LIPG: variants seen among roughly 807,000 people sequenced by gnomAD.
LIPG encodes lipase G, endothelial type, also known as endothelial lipase.
In LIPG, 34 loss-of-function variants were observed where a neutral mutation model predicts 51.8. The observed-to-expected ratio is 0.66, with a 90% CI of 0.50 to 0.87. LIPG has a LOEUF of 0.87. Among genes scored for constraint, LIPG ranks in the 40% least tolerant of loss-of-function variants. The probability of loss-of-function intolerance (pLI) is 0.00; values close to 1 mark genes in which losing one functional copy is unlikely to be tolerated. For synonymous variants in LIPG, 246 were observed against 246.1 expected (o/e 1.00, Z 0.00); for missense variants, 580 against 652.7 (o/e 0.89, Z 1.21).
In LIPG at chr18:49,569,415, A is replaced by T. The variant is rs764821032; in HGVS notation, c.460-22A>T. 8 of 1,603,788 alleles carry T rather than the reference A, an allele frequency of 5.0e-6. No homozygotes were observed. The African/African-American group carries it at 1.1e-4, about 21-fold the overall frequency. On this transcript the variant is annotated intron_variant, in intron 3 of 9. Transcript: ENST00000261292. ...CTCTGGACCCTGCTCTTCTGCTCACATACTTTGGTGACTTTCTATAGGAGA... is the reference window on the plus strand; with the variant it reads ...CTCTGGACCCTGCTCTTCTGCTCACTTACTTTGGTGACTTTCTATAGGAGA...
chr18:49,585,595 T>C (rs1401852010), intron 8 of LIPG, among the ~76,000 whole-genome samples: 2 of 152,242 alleles, frequency 1.3e-5, no homozygotes, highest in Non-Finnish European at 2.9e-5. Flanking sequence ...TGTTGCTTTT[T>C]TGTAGTTACA....
In LIPG at chr18:49,596,867, T is replaced by C. The variant is rs12606544; in HGVS notation, c.*6345T>C. 0.25 allele frequency: 38,190 copies of C among 151,786 alleles called. 4,992 individuals are homozygous for C. Among genetic ancestry groups the C allele is most frequent in the South Asian group, 0.31 (1,474 of 4,794 alleles). The allele number at this position is 151,786 out of a possible 1,614,324, so 9.4% of individuals were successfully genotyped here. On this transcript the variant is annotated 3_prime_UTR_variant, in exon 10 of 10. Transcript: ENST00000261292. ...CTCCATTTTCCAAATGCATTTGACTTCCTACTCTCTTAGCCCCAGCTCTCT... is the reference window on the plus strand; with the variant it reads ...CTCCATTTTCCAAATGCATTTGACTCCCTACTCTCTTAGCCCCAGCTCTCT...
chr18:49,589,319 G>T (rs534031406), intron 9 of LIPG: 3 of 152,138 alleles, frequency 2.0e-5, no homozygotes, highest in Non-Finnish European at 4.4e-5. Context: ...GCGTAGGCTC[G>T]TATGATTTTC....
At position 49,596,856 on chromosome 18, in the gene LIPG, T is replaced by C. The variant is rs897678001; in HGVS notation, c.*6334T>C. 6.6e-6 allele frequency: 1 copy of C among 152,038 alleles called. No homozygotes were observed. Among genetic ancestry groups the C allele is most frequent in the Non-Finnish European group, 1.5e-5 (1 of 68,028 alleles). The allele number at this position is 152,038 out of a possible 1,614,324, so 9.4% of individuals were successfully genotyped here. A position where few individuals can be genotyped will look rare whatever the true frequency, so the allele number is the denominator to read the frequency against. On this transcript the variant is annotated 3_prime_UTR_variant, in exon 10 of 10. Coordinates refer to ENST00000261292, the MANE Select transcript of LIPG (RefSeq NM_006033.4). ...TCCCTCAAGTGCTCCATTTTCCAAATGCATTTGACTTCCTACTCTCTTAGC... is the reference window on the plus strand; with the variant it reads ...TCCCTCAAGTGCTCCATTTTCCAAACGCATTTGACTTCCTACTCTCTTAGC...
upstream of LIPG, chr18:49,561,859 G>A: frequency 2.4e-6 from 3 of 1,264,232 alleles, no homozygotes; most frequent in Non-Finnish European, 3.0e-6. Context: ...GGGCCCGGGA[G>A]GAAGCGGGGC....
rs778563577 is a variant in LIPG, at chr18:49,567,636, G to A, written c.459+15G>A. 1.9e-6 allele frequency: 3 copies of A among 1,613,188 alleles called. No individual in the cohort carries two copies. Among genetic ancestry groups the A allele is most frequent in the Non-Finnish European group, 2.5e-6 (3 of 1,179,746 alleles). On this transcript the variant is annotated intron_variant, in intron 3 of 9. Coordinates refer to ENST00000261292, the MANE Select transcript of LIPG (RefSeq NM_006033.4). ...ACTGGCTGCAGGTACTGGGGGATGA[G>A]AGGGAGTCTCCTGTCACCAGCAGGA...
rs778078674 is a variant in LIPG at position 49,565,481 on chromosome 18, A to G, written c.262A>G (p.Ile88Val). 6.2e-7 allele frequency: 1 copy of G among 1,614,216 alleles called. No individual in the cohort carries two copies. Among genetic ancestry groups the G allele is most frequent in the Non-Finnish European group, 8.5e-7 (1 of 1,180,038 alleles). ...CAACATGACAGCTAAAACCTTTTTC[A>G]TCATTCACGGATGGACGGTGAGCCC... ...SFNMTAKTFF[I>V]IHGWTMSGIF... is the part of the protein sequence containing the mutation. Residue 88 changes from isoleucine to valine, a missense_variant, in exon 2 of 10, where the codon ATC becomes GTC. Ile to Val is a conservative substitution (Grantham distance 29). Transcript: ENST00000261292.
intron 5 of LIPG, among the ~76,000 whole-genome samples, chr18:49,581,176 C>T (rs775930012): frequency 6.6e-6 from 1 of 152,098 alleles, no homozygotes; most frequent in Non-Finnish European, 1.5e-5. Context: ...GAGAGGATCA[C>T]CTGAATCTCG....
chr18:49,581,280 G>A (rs1472833150), intron 5 of LIPG, 135 bp from the exon 6 acceptor site: 1 of 1,344,796 alleles, frequency 7.4e-7, no homozygotes, highest in African/African-American at 1.4e-5. Context: ...AAATAAACAA[G>A]CAAAAGAATT....
rs914555867 is a variant in LIPG at position 49,590,509 on chromosome 18, T to C, written c.1490T>C (p.Val497Ala). ...WRMKNETSPT[V>A]ELP ...CACACGGTTTCTTTCAGTCCCACTG[T>C]GGAGCTTCCCTGAGGGTGCCCGGGC... The change falls in exon 10 of 10, where the codon GTG becomes GCG. Residue 497 changes from valine to alanine, a missense_variant. Coordinates refer to ENST00000261292, the MANE Select transcript of LIPG (RefSeq NM_006033.4). 1 of 1,602,800 alleles carries C rather than the reference T, an allele frequency of 6.2e-7. No individual in the cohort carries two copies. The highest frequency in any genetic ancestry group is 8.5e-7 in the Non-Finnish European group (1 of 1,173,626).
In LIPG at chr18:49,566,671, G is replaced by A. The variant is rs193243178; in HGVS notation, c.280-771G>A. 5.3e-4 allele frequency among the ~76,000 whole-genome samples: 81 copies of A among 152,284 alleles called. No homozygotes were observed. The East Asian group carries it at 0.015, about 28-fold the overall frequency. The stretch of plus-strand genomic sequence containing the variant: ...GGGTCAAGAGGGATGGCAGAGATGG[G>A]TTGTGGGAAGGGGTCATTTGTTAAC... On this transcript the variant is annotated intron_variant, in intron 2 of 9. Transcript: ENST00000261292.
intron 5 of LIPG, among the ~76,000 whole-genome samples, chr18:49,578,784 G>A (rs1475268011): frequency 6.6e-6 from 1 of 151,328 alleles, no homozygotes; most frequent in Non-Finnish European, 1.5e-5. Context: ...ACCTCGGGAG[G>A]CCAAGGCTGG....
At chr18:49,568,262 C>T (rs2084628057) in intron 3 of LIPG, among the ~76,000 whole-genome samples, 2 of 152,156 alleles carry the variant, frequency 1.3e-5, no homozygotes, top group Non-Finnish European at 1.5e-5. Flanking sequence ...GATCTCCTGA[C>T]CTCATGATCT....
chr18:49,565,375 C>T lies in LIPG; in HGVS notation c.156C>T (p.Asn52=), dbSNP rs1350503651. Residue 52 remains asparagine, a synonymous_variant, in exon 2 of 10, where the codon AAC becomes AAT. Transcript: ENST00000261292. ...AGGTCAAACCATCTGTGAGGTTTAA[C>T]CTCCGCACCTCCAAGGACCCAGAGC... The part of the protein sequence containing the change: ...QTEVKPSVRF[N]LRTSKDPEHE... 6.2e-7 allele frequency: 1 copy of T among 1,614,254 alleles called. No individual in the cohort carries two copies. Among genetic ancestry groups the T allele is most frequent in the East Asian group, 2.2e-5 (1 of 44,876 alleles).
intron 5 of LIPG, among the ~76,000 whole-genome samples, chr18:49,577,606 A>G (rs868533606): frequency 0.017 from 2,274 of 133,444 alleles, 37 homozygotes; most frequent in African/African-American, 0.058. Context: ...GGGCAGAGGC[A>G]CCCCTCACCT....
intron 5 of LIPG, 56 bp from the exon 6 acceptor site, chr18:49,581,359 T>A: frequency 1.0e-5 from 16 of 1,606,274 alleles, no homozygotes; most frequent in Non-Finnish European, 1.4e-5. Context: ...ATTATTTGAG[T>A]GTCTAATCAT....
chr18:49,573,289 G>A (rs753526990), intron 4 of LIPG, among the ~76,000 whole-genome samples: 1 of 152,204 alleles, frequency 6.6e-6, no homozygotes, highest in Admixed American at 6.5e-5. Flanking sequence ...CGGTCCTTGC[G>A]GCCTCTGAAA....
chr18:49,591,547 T>C lies in LIPG; in HGVS notation c.*1025T>C, dbSNP rs867417333. The C allele has an allele frequency of 2.6e-5, 4 of 152,206 alleles. No individual in the cohort carries two copies. The highest frequency in any genetic ancestry group is 6.8e-3 in the Middle Eastern group (2 of 294). The allele number at this position is 152,206 out of a possible 1,614,324, so 9.4% of individuals were successfully genotyped here. A position where few individuals can be genotyped will look rare whatever the true frequency, so the allele number is the denominator to read the frequency against. On this transcript the variant is annotated 3_prime_UTR_variant, in exon 10 of 10. Coordinates refer to ENST00000261292, the MANE Select transcript of LIPG (RefSeq NM_006033.4). ...GAAGTTATGACATATGTAATACACA[T>C]CTGTGTACACAGAAACCGGCACCTG...
chr18:49,582,469 C>G lies in LIPG; in HGVS notation c.1144C>G (p.Leu382Val). The G allele has an allele frequency of 6.2e-7, 1 of 1,614,270 alleles. No individual in the cohort carries two copies. ...TGGCACTAATGCAGATTCCCAGACT[C>G]TGCCACTGGAAATGTAAGTCATCCG... is the stretch of plus-strand genomic sequence containing the variant. Reference protein sequence around the residue: ...LYGTNADSQTLPLEIVERIEQ... With the variant: ...LYGTNADSQTVPLEIVERIEQ... Residue 382 changes from leucine to valine, a missense_variant, in exon 7 of 10, where the codon CTG becomes GTG. By Grantham distance (32) the Leu-to-Val change is conservative. Coordinates refer to ENST00000261292, the MANE Select transcript of LIPG (RefSeq NM_006033.4).
Sources: gnomAD v4.1 joint callset for allele counts (sites outside exome capture counted in the v4.1 genomes callset) on GRCh38, gnomAD v4.1.1 for gene constraint, MANE v1.5 for transcripts, NCBI Gene and HGNC (gene_info 2026-07-23, HGNC 2026-07-21) for gene names.